Variants in NYNRIN observed in about 807,000 individuals in gnomAD.
NYNRIN encodes the protein NYN domain and retroviral integrase containing.
In NYNRIN, 86 loss-of-function variants were observed where a neutral mutation model predicts 146.6. That is an observed-to-expected ratio of 0.59 (90% CI 0.49 to 0.70). The LOEUF is 0.70. NYNRIN is among the 30% of genes least tolerant of loss of function. The pLI is 0.00. For synonymous variants in NYNRIN, 1,027 were observed against 1,001.3 expected (o/e 1.03, Z -0.48); for missense variants, 2,191 against 2,377.7 (o/e 0.92, Z 1.63).
Position 24,416,480 on chromosome 14 carries a change from GC to G in NYNRIN, c.4732del (p.His1578MetfsTer2). On this transcript the variant is annotated frameshift_variant, in exon 9 of 9. Transcript: ENST00000382554. LOFTEE classifies it high-confidence loss of function. Reference protein sequence around the residue: ...LLGWWPGMQEHVKDYCRSCLF... With the variant: ...LLGWWPGMQEXVKDYCRSCLF... Reference sequence around the variant, plus strand: ...TGGGGTGGTGGCCTGGGATGCAGGAGCATGTGAAAGATTACTGCAGGAGCTG... The same window carrying G: ...TGGGGTGGTGGCCTGGGATGCAGGAGATGTGAAAGATTACTGCAGGAGCTG... 1 of 1,613,444 alleles carries G rather than the reference GC, an allele frequency of 6.2e-7. No homozygotes were observed. Among genetic ancestry groups the G allele is most frequent in the South Asian group, 1.1e-5 (1 of 91,000 alleles).
chr14:24,404,994 CTGTGTG>C (rs747195772), intron 2 of NYNRIN, among the ~76,000 whole-genome samples: 29 of 83,180 alleles, frequency 3.5e-4, no homozygotes, highest in Admixed American at 8.1e-4. Flanking sequence ...CTTGCCAAGC[CTGTGTG>C]TGTGTGTGTG....
At chr14:24,399,900 G>A (rs1020315739) in intron 2 of NYNRIN, among the ~76,000 whole-genome samples, 35 of 152,254 alleles carry the variant, frequency 2.3e-4, no homozygotes, top group African/African-American at 7.9e-4. Context: ...TAAATCCTGG[G>A]CTGCCCCTTG....
At position 24,418,193 on chromosome 14, in the gene NYNRIN, C is replaced by T. The variant is rs2042961576; in HGVS notation, c.*747C>T. 4.4e-6 allele frequency: 2 copies of T among 451,024 alleles called. No individual in the cohort carries two copies. The highest frequency in any genetic ancestry group is 8.9e-6 in the Non-Finnish European group (2 of 224,468). The allele number at this position is 451,024 out of a possible 1,614,324, so 27.9% of individuals were successfully genotyped here. A position where few individuals can be genotyped will look rare whatever the true frequency, so the allele number is the denominator to read the frequency against. ...CAGCCAATGGAGACAATTCCTGACC[C>T]CTGCTTTGATGGTGTTGACCCCACA... is the stretch of plus-strand genomic sequence containing the variant. On this transcript the variant is annotated 3_prime_UTR_variant, in exon 9 of 9. Coordinates refer to ENST00000382554, the MANE Select transcript of NYNRIN (RefSeq NM_025081.3).
At chr14:24,402,594 G>T (rs905737284) in intron 2 of NYNRIN, among the ~76,000 whole-genome samples, 1 of 152,178 alleles carries the variant, frequency 6.6e-6, no homozygotes, top group Admixed American at 6.5e-5. Context: ...GTCAGTGCCT[G>T]GAGTTGGCTC....
chr14:24,404,347 TA>T (rs1282350640), intron 2 of NYNRIN, among the ~76,000 whole-genome samples: 1 of 152,220 alleles, frequency 6.6e-6, no homozygotes, highest in Non-Finnish European at 1.5e-5. Flanking sequence ...TTCTCTCTGT[TA>T]AAAAATAGTA....
rs562226434 is a variant in NYNRIN at position 24,411,774 on chromosome 14, C to T, written c.2642+324C>T. 6.6e-5 allele frequency among the ~76,000 whole-genome samples: 10 copies of T among 152,286 alleles called. No homozygotes were observed. Among genetic ancestry groups the T allele is most frequent in the South Asian group, 2.1e-4 (1 of 4,828 alleles). On this transcript the variant is annotated intron_variant, in intron 6 of 8. Coordinates refer to ENST00000382554, the MANE Select transcript of NYNRIN (RefSeq NM_025081.3). The surrounding 1 kb of genome is among the most constrained non-coding windows in gnomAD (Gnocchi z 4.3). ...TCCCCAGGGTTTTGGGTGCCCGTTT[C>T]GGTTGAGGCTCATGTCTCCAGACTG... is the stretch of plus-strand genomic sequence containing the variant.
chr14:24,415,629 T>G lies in NYNRIN; in HGVS notation c.3880T>G (p.Phe1294Val). Reference sequence around the variant, plus strand: ...CACCCCCGCGGCCTCCATGCCTCGCTTCTTCCAGGTTCTGCCGCCTTTCTC... The same window carrying G: ...CACCCCCGCGGCCTCCATGCCTCGCGTCTTCCAGGTTCTGCCGCCTTTCTC... ...LLTPAASMPR[F>V]FQVLPPFSDL... Residue 1294 changes from phenylalanine (F) to valine (V), a missense_variant, in exon 9 of 9, where the codon TTC becomes GTC. Coordinates refer to ENST00000382554, the MANE Select transcript of NYNRIN (RefSeq NM_025081.3). The G allele has an allele frequency of 6.2e-7, 1 of 1,614,004 alleles. No individual in the cohort carries two copies.
chr14:24,411,433 C>T lies in NYNRIN; in HGVS notation c.2625C>T (p.Ile875=). ...TPSQLENGKK[I]TTYDYRFMVK... ...CCCAGCTTGAGAATGGCAAGAAGAT[C>T]ACCACCTACGATTATAGGTGTGCCG... Residue 875 remains isoleucine (I), a synonymous_variant, in exon 6 of 9, where the codon ATC becomes ATT. Transcript: ENST00000382554. This position sits in a 1 kb window ranked among gnomAD's most constrained non-coding sequence, Gnocchi z 4.3. The T allele has an allele frequency of 6.2e-7, 1 of 1,613,968 alleles. No homozygotes were observed. Among genetic ancestry groups the T allele is most frequent in the South Asian group, 1.1e-5 (1 of 91,084 alleles).
Position 24,399,237 on chromosome 14 carries a change from C to T in NYNRIN, c.-10C>T. The T allele has an allele frequency of 6.2e-7, 1 of 1,612,296 alleles. No individual in the cohort carries two copies. Among genetic ancestry groups the T allele is most frequent in the Admixed American group, 1.7e-5 (1 of 59,964 alleles). ...TCGTCTCCTTCGTTCCAGGAGCGGG[C>T]GGGGCAGCCATGCTCCTGTCTGGGG... On this transcript the variant is annotated 5_prime_UTR_variant, in exon 2 of 9. Coordinates refer to ENST00000382554, the MANE Select transcript of NYNRIN (RefSeq NM_025081.3).
Position 24,414,990 on chromosome 14 carries a change from C to A in NYNRIN, c.3241C>A (p.His1081Asn). The change falls in exon 9 of 9, where the codon CAC (histidine) becomes AAC (asparagine). Residue 1081 changes from histidine to asparagine, a missense_variant. By Grantham distance (68) the His-to-Asn change is moderately conservative (BLOSUM62 1). Around this residue, in one of 3 missense-constraint regions of NYNRIN, gnomAD observed 1,291 missense variants for 1,417.0 expected, o/e 0.91. Coordinates refer to ENST00000382554, the MANE Select transcript of NYNRIN (RefSeq NM_025081.3). Reference sequence around the variant, plus strand: ...GGCTCCCTGCCAGCAGGTTCTTGCCCACCTGGCCCAGCTCACCATCCCCAG... The same window carrying A: ...GGCTCCCTGCCAGCAGGTTCTTGCCAACCTGGCCCAGCTCACCATCCCCAG... ...GKAPCQQVLAHLAQLTIPSNF... is the reference protein window; with the variant it reads ...GKAPCQQVLANLAQLTIPSNF... The A allele has an allele frequency of 6.3e-7, 1 of 1,597,414 alleles. No homozygotes were observed. Among genetic ancestry groups the A allele is most frequent in the Non-Finnish European group, 8.6e-7 (1 of 1,167,738 alleles).
chr14:24,401,453 T>G (rs1594736521), intron 2 of NYNRIN, among the ~76,000 whole-genome samples: 2 of 151,612 alleles, frequency 1.3e-5, no homozygotes, highest in Non-Finnish European at 2.9e-5. Flanking sequence ...GGGGTTAAAG[T>G]TTTGTCTCAG....
rs753944239 is a variant in NYNRIN, at chr14:24,414,582, C to A, written c.2847-14C>A. 3.1e-6 allele frequency: 5 copies of A among 1,590,820 alleles called. No homozygotes were observed. In the East Asian group the frequency reaches 9.0e-5, roughly 29 times the overall value. ...ATGGGGCTGCCCTTCCCTCTTCCAT[C>A]TGTTTTGGTGTAGGTTGGACACTGA... On this transcript the variant is annotated splice_polypyrimidine_tract_variant and intron_variant, in intron 8 of 8. Transcript: ENST00000382554.
At chr14:24,400,785 CTTT>C (rs376993405) in intron 2 of NYNRIN, among the ~76,000 whole-genome samples, 3 of 136,298 alleles carry the variant, frequency 2.2e-5, no homozygotes, top group Admixed American at 7.3e-5. Flanking sequence ...CTTTCTTTTT[CTTT>C]TTTTTTTTTT....
At position 24,416,617 on chromosome 14, in the gene NYNRIN, G is replaced by C; in HGVS notation, c.4868G>C (p.Gly1623Ala). 5 of 1,613,930 alleles carry C rather than the reference G, an allele frequency of 3.1e-6. No individual in the cohort carries two copies. The highest frequency in any genetic ancestry group is 4.2e-6 in the Non-Finnish European group (5 of 1,179,884). The change falls in exon 9 of 9, where the codon GGC becomes GCC. Residue 1623 changes from glycine (G) to alanine (A), a missense_variant. Gly to Ala is a moderately conservative substitution (Grantham distance 60). Transcript: ENST00000382554. ...TCGAACCTGCAGATCGAGGTGGTGG[G>C]CCCGGTCACCATAAGTGAGGAGGGC... ...PWSNLQIEVV[G>A]PVTISEEGHK...
At chr14:24,404,895 T>C (rs184544611) in intron 2 of NYNRIN, among the ~76,000 whole-genome samples, 1 of 152,292 alleles carries the variant, frequency 6.6e-6, no homozygotes, top group East Asian at 1.9e-4. Flanking sequence ...TGTGTGGTGC[T>C]CACACCTTCG....
In NYNRIN at chr14:24,417,347, C is replaced by T; in HGVS notation, c.5598C>T (p.Phe1866=). ...TGTCACTCTATAGGATATGGGGCTT[C>T]CCAACCCCAGAGAAGCTGGGGTGCA... ...LSLSLYRIWG[F]PTPEKLGCIY... is the part of the protein sequence containing the mutation. Residue 1866 remains phenylalanine (F), a synonymous_variant, in exon 9 of 9, where the codon TTC becomes TTT. Coordinates refer to ENST00000382554, the MANE Select transcript of NYNRIN (RefSeq NM_025081.3). The T allele has an allele frequency of 6.2e-7, 1 of 1,603,390 alleles. No homozygotes were observed. The highest frequency in any genetic ancestry group is 1.1e-5 in the South Asian group (1 of 89,862).
At position 24,416,501 on chromosome 14, in the gene NYNRIN, G is replaced by A. The variant is rs368421154; in HGVS notation, c.4752G>A (p.Arg1584=). The A allele has an allele frequency of 7.4e-6, 12 of 1,613,602 alleles. No individual in the cohort carries two copies. The African/African-American group carries it at 1.5e-4, about 20-fold the overall frequency. ...GMQEHVKDYC[R]SCLFCIPRNL... ...AGGAGCATGTGAAAGATTACTGCAG[G>A]AGCTGCTTGTTCTGCATCCCCCGAA... Residue 1584 remains arginine, a synonymous_variant, in exon 9 of 9, where the codon AGG becomes AGA. Coordinates refer to ENST00000382554, the MANE Select transcript of NYNRIN (RefSeq NM_025081.3).
In NYNRIN at chr14:24,415,444, T is replaced by A. The variant is rs1187463482; in HGVS notation, c.3695T>A (p.Leu1232His). Residue 1232 changes from leucine (L) to histidine (H), a missense_variant, in exon 9 of 9, where the codon CTT (leucine) becomes CAT (histidine). By Grantham distance (99) the Leu-to-His change is moderately conservative. Around this residue, in one of 3 missense-constraint regions of NYNRIN, gnomAD observed 1,291 missense variants for 1,417.0 expected, o/e 0.91. Coordinates refer to ENST00000382554, the MANE Select transcript of NYNRIN (RefSeq NM_025081.3). ...GGAGACACCCCGGTGGTCCTGGACC[T>A]TTCCTATGCCTCCCGGACCACTGCG... ...CIGDTPVVLD[L>H]SYASRTTADP... 1 of 1,613,934 alleles carries A rather than the reference T, an allele frequency of 6.2e-7. No homozygotes were observed. The highest frequency in any genetic ancestry group is 8.5e-7 in the Non-Finnish European group (1 of 1,179,868).
At position 24,414,671 on chromosome 14, in the gene NYNRIN, G is replaced by T; in HGVS notation, c.2922G>T (p.Leu974=). 6.2e-7 allele frequency: 1 copy of T among 1,613,784 alleles called. No individual in the cohort carries two copies. Among genetic ancestry groups the T allele is most frequent in the South Asian group, 1.1e-5 (1 of 91,040 alleles). The change falls in exon 9 of 9, where the codon CTG becomes CTT. Residue 974 remains leucine, a synonymous_variant. Coordinates refer to ENST00000382554, the MANE Select transcript of NYNRIN (RefSeq NM_025081.3). ...LPPSSASVTE[L]SDDADSGPLE... ...CCAGCTCAGCCAGTGTCACTGAGCTGAGTGATGACGCTGACTCTGGGCCCC... is the reference window on the plus strand; with the variant it reads ...CCAGCTCAGCCAGTGTCACTGAGCTTAGTGATGACGCTGACTCTGGGCCCC...
Sources: allele counts gnomAD v4.1 joint callset (sites outside exome capture counted in the v4.1 genomes callset), GRCh38; gene constraint gnomAD v4.1.1; regional missense constraint gnomAD v4.1.1; non-coding constraint Gnocchi (gnomAD v3.1); transcripts MANE v1.5; gene names NCBI Gene and HGNC (gene_info 2026-07-23, HGNC 2026-07-21).